Variants in GRID2 observed in about 807,000 individuals in gnomAD.
GRID2 encodes glutamate ionotropic receptor delta type subunit 2.
A neutral mutation model predicts 114.8 loss-of-function variants in GRID2; 33 were observed. The ratio of observed to expected loss-of-function variants is 0.29; its 90% CI spans 0.22 to 0.38. The LOEUF (loss-of-function observed/expected upper bound fraction) is 0.38, where lower values mean the gene tolerates loss of function less well. Among genes scored for constraint, GRID2 ranks in the 10% least tolerant of loss-of-function variants. GRID2 has a pLI of 1.00. For missense variants in GRID2, 1,184 were observed against 1,257.7 expected (o/e 0.94, Z 0.89); for synonymous variants, 505 against 449.9 (o/e 1.12, Z -1.55).
chr4:92,561,039 A>C (rs947963574), intron 1 of GRID2, among the ~76,000 whole-genome samples: 3 of 152,102 alleles, frequency 2.0e-5, no homozygotes, highest in African/African-American at 7.2e-5. Flanking sequence ...CTTTAGGTGA[A>C]TCACACCCTC....
At chr4:92,691,325 C>T (rs181183554) in intron 2 of GRID2, among the ~76,000 whole-genome samples, 81 of 151,982 alleles carry the variant, frequency 5.3e-4, no homozygotes, top group Middle Eastern at 6.8e-3. Flanking sequence ...TATGAAGAGA[C>T]TCCAGAGGAA....
chr4:93,601,926 C>A (rs1739724775), intron 13 of GRID2, among the ~76,000 whole-genome samples: 1 of 152,150 alleles, frequency 6.6e-6, no homozygotes, highest in African/African-American at 2.4e-5. Flanking sequence ...ATTGTGACAA[C>A]TGATCACCAT....
chr4:92,574,934 A>T (rs1727811352), intron 1 of GRID2, among the ~76,000 whole-genome samples: 1 of 152,056 alleles, frequency 6.6e-6, no homozygotes, highest in African/African-American at 2.4e-5. Context: ...TATTTCCATT[A>T]TCTTTATCTC....
intron 8 of GRID2, among the ~76,000 whole-genome samples, chr4:93,393,909 T>A (rs2149327577): frequency 6.6e-6 from 1 of 152,128 alleles, no homozygotes; most frequent in East Asian, 1.9e-4. Context: ...TAGACATACT[T>A]ACCACGAACA....
intron 2 of GRID2, among the ~76,000 whole-genome samples, chr4:92,782,328 T>C (rs1360933932): frequency 6.6e-6 from 1 of 152,106 alleles, no homozygotes; most frequent in Non-Finnish European, 1.5e-5. Flanking sequence ...ATCTTAGCGT[T>C]TTCAGACTTT....
At chr4:93,741,851 G>A (rs1425802115) in intron 14 of GRID2, among the ~76,000 whole-genome samples, 1 of 150,822 alleles carries the variant, frequency 6.6e-6, no homozygotes, top group African/African-American at 2.4e-5. Context: ...TTGAACCCAG[G>A]AGGCAGAGCT....
At chr4:93,695,798 C>G (rs1726967469) in intron 14 of GRID2, among the ~76,000 whole-genome samples, 1 of 152,194 alleles carries the variant, frequency 6.6e-6, no homozygotes. Context: ...AGTCACTTAG[C>G]CTCTCTAAGC....
chr4:92,925,537 G>T (rs142506364), intron 2 of GRID2, among the ~76,000 whole-genome samples: 1 of 152,034 alleles, frequency 6.6e-6, no homozygotes, highest in East Asian at 1.9e-4. Context: ...AACAATATAT[G>T]ATCTTCTTTA....
intron 1 of GRID2, among the ~76,000 whole-genome samples, chr4:92,553,878 C>T (rs1206267185): frequency 2.0e-5 from 3 of 152,134 alleles, no homozygotes; most frequent in Non-Finnish European, 4.4e-5. Context: ...TCTTGATCTC[C>T]TGACCTCATG....
chr4:92,997,001 T>C (rs1755241748), intron 2 of GRID2, among the ~76,000 whole-genome samples: 1 of 152,164 alleles, frequency 6.6e-6, no homozygotes, highest in Non-Finnish European at 1.5e-5. Context: ...TTGAAAGAGG[T>C]TTATCCATCA....
chr4:92,932,180 T>G (rs1211268488), intron 2 of GRID2, among the ~76,000 whole-genome samples: 2 of 151,342 alleles, frequency 1.3e-5, no homozygotes, highest in Non-Finnish European at 3.0e-5. Context: ...CAAAGAATTT[T>G]TATCCAAAAT....
chr4:92,799,664 C>T (rs1375709176), intron 2 of GRID2, among the ~76,000 whole-genome samples: 1 of 151,944 alleles, frequency 6.6e-6, no homozygotes, highest in Non-Finnish European at 1.5e-5. Flanking sequence ...AGCTGTCATC[C>T]ATTTAAACTT....
chr4:92,726,901 G>GA (rs146294623), intron 2 of GRID2, among the ~76,000 whole-genome samples: 63 of 151,630 alleles, frequency 4.2e-4, no homozygotes, highest in South Asian at 1.0e-3. Flanking sequence ...GATTTTACAG[G>GA]AAAAAAAATG....
At chr4:92,885,087 G>A in intron 2 of GRID2, 1 of 316,074 alleles carries the variant, frequency 3.2e-6, no homozygotes, top group South Asian at 3.1e-5. Context: ...TAAATTTATT[G>A]AAATAAAAAA....
At chr4:92,640,398 A>G (rs1731285977) in intron 2 of GRID2, among the ~76,000 whole-genome samples, 1 of 151,896 alleles carries the variant, frequency 6.6e-6, no homozygotes, top group African/African-American at 2.4e-5. Flanking sequence ...ATTCTACTGA[A>G]GAAATGTTCC....
Position 93,318,702 on chromosome 4 carries a change from C to T in GRID2, c.1246-76905C>T, listed in dbSNP as rs186664274. The T allele has an allele frequency of 9.1e-4, 139 of 152,154 alleles. 1 individual carries two copies. Among genetic ancestry groups the T allele is most frequent in the African/African-American group, 3.0e-3 (125 of 41,538 alleles). 9.4% of individuals were successfully genotyped at this position (152,154 alleles called of 1,614,324 possible). On this transcript the variant is annotated intron_variant, in intron 8 of 15. Coordinates refer to ENST00000282020, the MANE Select transcript of GRID2 (RefSeq NM_001510.4). Reference sequence around the variant, plus strand: ...CCATTTAAAGTATGTTTCAACCATTCCTTCTATCCTTGTGTTTCTCATTCA... The same window carrying T: ...CCATTTAAAGTATGTTTCAACCATTTCTTCTATCCTTGTGTTTCTCATTCA...
At chr4:93,022,948 C>CAAT (rs1260058980) in intron 2 of GRID2, among the ~76,000 whole-genome samples, 1 of 151,856 alleles carries the variant, frequency 6.6e-6, no homozygotes, top group Non-Finnish European at 1.5e-5. Flanking sequence ...ATTCAATACT[C>CAAT]TTGTTATTAT....
intron 13 of GRID2, among the ~76,000 whole-genome samples, chr4:93,541,825 C>T (rs1479414615): frequency 1.3e-5 from 2 of 152,146 alleles, no homozygotes; most frequent in African/African-American, 4.8e-5. Context: ...AATGCATAAT[C>T]AGCAAGTAAT....
At chr4:93,022,699 CCTTT>C (rs1173392710) in intron 2 of GRID2, among the ~76,000 whole-genome samples, 3 of 151,828 alleles carry the variant, frequency 2.0e-5, no homozygotes, top group Non-Finnish European at 4.4e-5. Context: ...TATTAATCTA[CCTTT>C]CTTTAATTAT....
Sources: gnomAD v4.1 joint callset for allele counts (sites outside exome capture counted in the v4.1 genomes callset) on GRCh38, gnomAD v4.1.1 for gene constraint, MANE v1.5 for transcripts, NCBI Gene and HGNC (gene_info 2026-07-23, HGNC 2026-07-21) for gene names.